Variants in GALNT13 observed in about 807,000 individuals in gnomAD.
GALNT13 encodes the protein polypeptide N-acetylgalactosaminyltransferase 13, also known as UDP-GalNAc:polypeptide N-acetylgalactosaminyltransferase 13.
A neutral mutation model predicts 64.2 loss-of-function variants in GALNT13; 28 were observed. The ratio of observed to expected loss-of-function variants is 0.44; its 90% CI spans 0.32 to 0.60. The LOEUF (loss-of-function observed/expected upper bound fraction) is 0.60. Ranked by LOEUF, GALNT13 falls within the 20% of genes least tolerant of loss-of-function variation. The probability of loss-of-function intolerance (pLI) is 0.05; values close to 1 mark genes in which losing one functional copy is unlikely to be tolerated. For missense variants in GALNT13, 577 were observed against 669.8 expected (o/e 0.86, Z 1.53); for synonymous variants, 214 against 224.6 (o/e 0.95, Z 0.42).
chr2:153,898,265 G>A (rs866281861), intron 1 of GALNT13, among the ~76,000 whole-genome samples: 6 of 151,992 alleles, frequency 3.9e-5, no homozygotes, highest in African/African-American at 7.2e-5. Flanking sequence ...GTTTTTTTAG[G>A]TGTATATATT....
chr2:154,325,100 G>T (rs924246397), intron 9 of GALNT13, among the ~76,000 whole-genome samples: 7 of 151,874 alleles, frequency 4.6e-5, no homozygotes, highest in African/African-American at 1.7e-4. Context: ...AAACCTTGGG[G>T]CATCCTAGTT....
At chr2:154,149,733 G>T (rs1683861724) in intron 4 of GALNT13, among the ~76,000 whole-genome samples, 1 of 152,072 alleles carries the variant, frequency 6.6e-6, no homozygotes, top group South Asian at 2.1e-4. Context: ...CTGTTTGTCT[G>T]TTATTGGTGT....
chr2:153,135,291 A>G, the GALNT13 span, among the ~76,000 whole-genome samples: 3 of 152,298 alleles, frequency 2.0e-5, no homozygotes, highest in East Asian at 5.8e-4. Context: ...ACCTGTCTCC[A>G]AAAACAGAGC....
chr2:154,273,998 T>A (rs1691499643), intron 8 of GALNT13, among the ~76,000 whole-genome samples: 1 of 152,136 alleles, frequency 6.6e-6, no homozygotes, highest in East Asian at 1.9e-4. Context: ...ATTATTTTGT[T>A]TCTTATCTTG....
At chr2:153,650,866 A>G in the GALNT13 span, among the ~76,000 whole-genome samples, 4 of 152,120 alleles carry the variant, frequency 2.6e-5, no homozygotes, top group Non-Finnish European at 5.9e-5. Context: ...TCGGAAGTAT[A>G]AGATTAAAAC....
At chr2:153,354,538 C>A in the GALNT13 span, among the ~76,000 whole-genome samples, 1 of 152,148 alleles carries the variant, frequency 6.6e-6, no homozygotes, top group African/African-American at 2.4e-5. Context: ...CGTAGTAGTA[C>A]ACAAATATGC....
At chr2:153,677,284 T>TACATACACACACAC in the GALNT13 span, among the ~76,000 whole-genome samples, 1 of 144,666 alleles carries the variant, frequency 6.9e-6, no homozygotes, top group Non-Finnish European at 1.5e-5. Flanking sequence ...ACAATAGACA[T>TACATACACACACAC]ACACACACAC....
At chr2:154,051,279 CTTTTTTTTTTTT>C (rs34890901) in intron 3 of GALNT13, among the ~76,000 whole-genome samples, 2 of 102,298 alleles carry the variant, frequency 2.0e-5, no homozygotes, top group African/African-American at 7.5e-5. Context: ...CTTACTCCTT[CTTTTTTTTTTTT>C]TTTTTTTTTT....
rs78459525 is a variant in GALNT13 at position 154,176,934 on chromosome 2, G to A, written c.311+36429G>A. On this transcript the variant is annotated intron_variant, in intron 4 of 12. Coordinates refer to ENST00000392825, the MANE Select transcript of GALNT13 (RefSeq NM_052917.4). ...TGTTACTTAAATTGTGGGCCAGGGA[G>A]CAGCAGCATCTGCAACTGCATGGGA... Among the ~76,000 whole-genome samples, 1,027 of 152,254 alleles carry A rather than the reference G, an allele frequency of 6.7e-3. 8 individuals are homozygous for A. Among genetic ancestry groups the A allele is most frequent in the African/African-American group, 0.024 (992 of 41,538 alleles).
At chr2:154,215,049 G>A (rs779576781) in intron 4 of GALNT13, among the ~76,000 whole-genome samples, 7 of 152,284 alleles carry the variant, frequency 4.6e-5, no homozygotes, top group Middle Eastern at 3.4e-3. Flanking sequence ...GTTTCTGGTG[G>A]TTAATTCTGC....
At chr2:154,430,834 G>T (rs1050972912) in intron 11 of GALNT13, among the ~76,000 whole-genome samples, 21 of 152,062 alleles carry the variant, frequency 1.4e-4, no homozygotes, top group African/African-American at 4.8e-4. Context: ...CAGCATTGAG[G>T]CAAGACCCTC....
At chr2:153,116,027 A>G in the GALNT13 span, among the ~76,000 whole-genome samples, 82 of 152,222 alleles carry the variant, frequency 5.4e-4, no homozygotes, top group African/African-American at 1.9e-3. Context: ...TAAAACATTG[A>G]TGTATGGTTA....
In GALNT13 at chr2:154,156,262, T is replaced by C. The variant is rs568351667; in HGVS notation, c.311+15757T>C. 2.0e-5 allele frequency among the ~76,000 whole-genome samples: 3 copies of C among 152,194 alleles called. No homozygotes were observed. The Middle Eastern group carries it at 0.01, about 528-fold the overall frequency. ...ATGGCGTTGAATTTCACCATATAAA[T>C]TCTTAAGTAAAATTCACATTTTATA... On this transcript the variant is annotated intron_variant, in intron 4 of 12. Coordinates refer to ENST00000392825, the MANE Select transcript of GALNT13 (RefSeq NM_052917.4).
the GALNT13 span, among the ~76,000 whole-genome samples, chr2:153,646,697 G>A: frequency 1.3e-5 from 2 of 152,090 alleles, no homozygotes; most frequent in Admixed American, 1.3e-4. Context: ...CCGCCTATGA[G>A]TGAGAATATG....
the GALNT13 span, among the ~76,000 whole-genome samples, chr2:153,128,897 TACTC>T: frequency 6.6e-6 from 1 of 152,084 alleles, no homozygotes; most frequent in Non-Finnish European, 1.5e-5. Flanking sequence ...TCATGAGATT[TACTC>T]ACTATCATGA....
chr2:153,977,187 T>C (rs1289307085), intron 3 of GALNT13, among the ~76,000 whole-genome samples: 2 of 152,108 alleles, frequency 1.3e-5, no homozygotes, highest in Non-Finnish European at 2.9e-5. Flanking sequence ...AAGGAAAGGG[T>C]ACTACTGACT....
the GALNT13 span, among the ~76,000 whole-genome samples, chr2:153,491,652 G>A: frequency 2.4e-3 from 357 of 151,218 alleles, no homozygotes; most frequent in African/African-American, 7.6e-3. Context: ...ACGGAGTCTC[G>A]CTCTATTGCC....
chr2:153,409,848 G>A, the GALNT13 span, among the ~76,000 whole-genome samples: 1 of 152,182 alleles, frequency 6.6e-6, no homozygotes, highest in African/African-American at 2.4e-5. Context: ...TTCTTGAACT[G>A]AACACACACA....
chr2:153,717,432 A>G, the GALNT13 span, among the ~76,000 whole-genome samples: 1 of 152,140 alleles, frequency 6.6e-6, no homozygotes, highest in Non-Finnish European at 1.5e-5. Context: ...CAGGATACCA[A>G]TTTATGTACT....
Sources: gnomAD v4.1 joint callset for allele counts (sites outside exome capture counted in the v4.1 genomes callset) on GRCh38, gnomAD v4.1.1 for gene constraint, MANE v1.5 for transcripts, NCBI Gene and HGNC (gene_info 2026-07-23, HGNC 2026-07-21) for gene names.